Variants in SBF2 observed in about 807,000 individuals in gnomAD.
The protein encoded by SBF2 is SET binding factor 2.
SBF2 carries 112 observed loss-of-function variants against 225.2 expected under a neutral mutation model. The observed-to-expected ratio is 0.50, with a 90% CI of 0.43 to 0.58. The LOEUF is 0.58. Ranked by LOEUF, SBF2 falls within the 20% of genes least tolerant of loss-of-function variation. The pLI is 0.00. For synonymous variants in SBF2, 763 were observed against 773.3 expected (o/e 0.99, Z 0.22); for missense variants, 1,996 against 2,206.2 (o/e 0.90, Z 1.91).
chr11:9,826,553 AGG>A (rs1855071128), intron 28 of SBF2, among the ~76,000 whole-genome samples: 5 of 152,106 alleles, frequency 3.3e-5, no homozygotes, highest in South Asian at 4.1e-4. Flanking sequence ...CTAACCTCAG[AGG>A]ATAGAGCTAG....
At chr11:9,856,374 C>A (rs758354061) in intron 19 of SBF2, 84 bp downstream of exon 19, 28 of 1,556,140 alleles carry the variant, frequency 1.8e-5, no homozygotes, top group Non-Finnish European at 2.1e-5. Context: ...GCAGTATTTG[C>A]TCAAAATGTT....
intron 3 of SBF2, among the ~76,000 whole-genome samples, chr11:10,040,673 C>T (rs1565163420): frequency 6.6e-6 from 1 of 151,738 alleles, no homozygotes; most frequent in African/African-American, 2.4e-5. Context: ...AGGTTGATAA[C>T]TGTACTGTTT....
At chr11:9,983,210 T>C (rs1328855981) in intron 13 of SBF2, among the ~76,000 whole-genome samples, 1 of 152,170 alleles carries the variant, frequency 6.6e-6, no homozygotes, top group East Asian at 1.9e-4. Flanking sequence ...TCTTGCCCTC[T>C]GCCTGGAAAC....
intron 6 of SBF2, among the ~76,000 whole-genome samples, chr11:10,012,784 CTTTT>C (rs896216628): frequency 6.7e-6 from 1 of 148,940 alleles, no homozygotes; most frequent in East Asian, 2.0e-4. Context: ...TTCCTGAAAG[CTTTT>C]TTTTTTCTTT....
At chr11:9,892,924 T>A (rs1860955928) in intron 17 of SBF2, among the ~76,000 whole-genome samples, 1 of 152,206 alleles carries the variant, frequency 6.6e-6, no homozygotes, top group African/African-American at 2.4e-5. Context: ...GTTTGATTTT[T>A]AAAAATTATC....
intron 1 of SBF2, among the ~76,000 whole-genome samples, chr11:10,259,078 T>C (rs1591321020): frequency 1.3e-5 from 2 of 152,204 alleles, no homozygotes; most frequent in East Asian, 3.8e-4. Context: ...TATAATATTG[T>C]ACCCCTTTGG....
At chr11:9,838,514 A>AT (rs1209354181) in intron 26 of SBF2, 1 of 152,200 alleles carries the variant, frequency 6.6e-6, no homozygotes, top group South Asian at 2.1e-4. Flanking sequence ...CAGAGTGCCA[A>AT]TTTTTCAGAA....
intron 2 of SBF2, among the ~76,000 whole-genome samples, chr11:10,058,368 C>A (rs981767380): frequency 6.6e-6 from 1 of 152,048 alleles, no homozygotes; most frequent in African/African-American, 2.4e-5. Flanking sequence ...TTTGACAATG[C>A]AATCACAAGT....
At chr11:10,291,827 T>C (rs1056768174) in intron 1 of SBF2, among the ~76,000 whole-genome samples, 1 of 152,218 alleles carries the variant, frequency 6.6e-6, no homozygotes, top group Non-Finnish European at 1.5e-5. Context: ...AGATATTACT[T>C]ATATCAAGTA....
intron 1 of SBF2, among the ~76,000 whole-genome samples, chr11:10,222,826 TATAA>T (rs1204708190): frequency 2.6e-5 from 4 of 152,206 alleles, no homozygotes; most frequent in Non-Finnish European, 5.9e-5. Context: ...AGCAGCAGGA[TATAA>T]ATAACTTCCA....
chr11:10,280,766 T>C (rs1014176665), intron 1 of SBF2, among the ~76,000 whole-genome samples: 2 of 147,240 alleles, frequency 1.4e-5, no homozygotes, highest in African/African-American at 2.5e-5. Context: ...AGTATGGGCA[T>C]GAGAAAACTT....
chr11:9,966,012 A>T (rs12290996), intron 14 of SBF2, among the ~76,000 whole-genome samples: 41,313 of 152,130 alleles, frequency 0.27, 5,918 homozygotes, highest in Admixed American at 0.36. Flanking sequence ...AAACTTTTAA[A>T]TCTAAAATAT....
chr11:9,931,308 G>A (rs968754930), intron 16 of SBF2, among the ~76,000 whole-genome samples: 1 of 152,208 alleles, frequency 6.6e-6, no homozygotes, highest in Admixed American at 6.5e-5. Flanking sequence ...TCCTCAAGTG[G>A]GTCCCTGACC....
chr11:9,804,777 A>G (rs898603463), intron 32 of SBF2, among the ~76,000 whole-genome samples: 25 of 152,328 alleles, frequency 1.6e-4, no homozygotes, highest in South Asian at 8.3e-4. Context: ...TAAATATTTC[A>G]TTCCCTTTGT....
intron 1 of SBF2, among the ~76,000 whole-genome samples, chr11:10,275,901 G>A (rs984840524): frequency 2.6e-5 from 4 of 151,886 alleles, no homozygotes; most frequent in East Asian, 1.9e-4. Flanking sequence ...CTAAATTTAT[G>A]TGGTATTCAT....
intron 16 of SBF2, among the ~76,000 whole-genome samples, chr11:9,904,679 C>A (rs1282718773): frequency 6.6e-6 from 1 of 152,082 alleles, no homozygotes; most frequent in Non-Finnish European, 1.5e-5. Flanking sequence ...TAACACTGTA[C>A]CCAGAACTGT....
chr11:9,986,970 C>T (rs189508780), intron 13 of SBF2, among the ~76,000 whole-genome samples: 104 of 152,074 alleles, frequency 6.8e-4, no homozygotes, highest in African/African-American at 2.4e-3. Context: ...AAGGACATAA[C>T]CAAAAAAGAA....
chr11:10,166,035 A>G (rs1391020758), intron 2 of SBF2, among the ~76,000 whole-genome samples: 1 of 152,138 alleles, frequency 6.6e-6, no homozygotes. Context: ...CACTTTAAAA[A>G]CCATACAATA....
rs548774176 is a variant in SBF2 at position 10,117,746 on chromosome 11, T to G, written c.142-74765A>C. ...TTGGGAAAGCAGCCTTAAGAGTCTC[T>G]CTTGGGTGCTATTTCCATGTTGTTG... On this transcript the variant is annotated intron_variant, in intron 2 of 39. Coordinates refer to ENST00000256190, the MANE Select transcript of SBF2 (RefSeq NM_030962.4). 2.6e-5 allele frequency among the ~76,000 whole-genome samples: 4 copies of G among 151,262 alleles called. No homozygotes were observed. The East Asian group carries it at 7.7e-4, about 29-fold the overall frequency.
Sources: allele counts gnomAD v4.1 joint callset (sites outside exome capture counted in the v4.1 genomes callset), GRCh38; gene constraint gnomAD v4.1.1; transcripts MANE v1.5; gene names NCBI Gene and HGNC (gene_info 2026-07-23, HGNC 2026-07-21).